ATP11C: variants seen among roughly 807,000 people sequenced by gnomAD.
The protein encoded by ATP11C is ATPase phospholipid transporting 11C (ATP11C blood group), also known as phospholipid-transporting ATPase IG.
Under a neutral mutation model 97.4 loss-of-function variants are expected in ATP11C, and 36 were observed. That is an observed-to-expected ratio of 0.37 (90% confidence interval 0.28 to 0.49). The LOEUF (loss-of-function observed/expected upper bound fraction) is 0.49, where lower values mean the gene tolerates loss of function less well. ATP11C is among the 20% of genes least tolerant of loss of function. The pLI is 0.98. For synonymous variants in ATP11C, 275 were observed against 290.9 expected (o/e 0.95, Z 0.56); for missense variants, 730 against 824.6 (o/e 0.89, Z 1.40).
At chrX:139,799,475 T>A (rs1019625616) in intron 8 of ATP11C, among the ~76,000 whole-genome samples, 5 of 109,797 alleles carry the variant, frequency 4.6e-5, no homozygotes, top group African/African-American at 1.7e-4. Flanking sequence ...CCGAGGATAA[T>A]AAATAACATG....
At chrX:139,789,859 G>GTC (rs1418572887) in intron 12 of ATP11C, among the ~76,000 whole-genome samples, 1 of 109,462 alleles carries the variant, frequency 9.1e-6, no homozygotes, top group Non-Finnish European at 1.9e-5. Context: ...GTGAAACCCC[G>GTC]TCTCTACTAG....
rs1359795948 is a variant in ATP11C at position 139,747,718 on chromosome X, A to G, written c.2829-1861T>C. Reference sequence around the variant, plus strand: ...AGGTAAAATCTATAATACACTACACAACGCCACTGCTAATATTAATTGGCA... The same window carrying G: ...AGGTAAAATCTATAATACACTACACGACGCCACTGCTAATATTAATTGGCA... On this transcript the variant is annotated intron_variant, in intron 24 of 29. Coordinates refer to ENST00000682941, the MANE Select transcript of ATP11C (RefSeq NM_001353812.2). Among the ~76,000 whole-genome samples the G allele has an allele frequency of 2.7e-5, 3 of 112,130 alleles. No homozygotes were observed. The Admixed American group carries it at 2.8e-4, about 11-fold the overall frequency.
At chrX:139,920,202 C>T (rs765581632) in intron 1 of ATP11C, among the ~76,000 whole-genome samples, 1 of 108,924 alleles carries the variant, frequency 9.2e-6, no homozygotes, top group South Asian at 4.0e-4. Flanking sequence ...ACTAAAAATA[C>T]AAAAATTAGT....
At chrX:139,798,642 C>T in intron 9 of ATP11C, 37 bp downstream of exon 9, 1 of 1,055,492 alleles carries the variant, frequency 9.5e-7, no homozygotes, top group South Asian at 2.0e-5. Flanking sequence ...CTTTACAAAG[C>T]ATATTTTTTG....
chrX:139,849,895 G>A (rs1387070673), intron 1 of ATP11C, among the ~76,000 whole-genome samples: 2 of 112,015 alleles, frequency 1.8e-5, no homozygotes, highest in East Asian at 2.8e-4. Context: ...AAGCAAGTTC[G>A]GCCCTCTCTT....
chrX:139,858,582 C>T (rs1030671963), intron 1 of ATP11C, among the ~76,000 whole-genome samples: 1 of 112,175 alleles, frequency 8.9e-6, no homozygotes, highest in African/African-American at 3.2e-5. Context: ...AGAATAATAA[C>T]AACCACTGAC....
intron 1 of ATP11C, among the ~76,000 whole-genome samples, chrX:139,852,831 G>C (rs982216368): frequency 9.0e-6 from 1 of 110,963 alleles, no homozygotes; most frequent in Non-Finnish European, 1.9e-5. Flanking sequence ...GCACGAGTGG[G>C]AAGTGTGCAA....
chrX:139,857,671 T>TAAGA (rs2084115003), intron 1 of ATP11C, among the ~76,000 whole-genome samples: 1 of 111,144 alleles, frequency 9.0e-6, no homozygotes, highest in Non-Finnish European at 1.9e-5. Context: ...TGCGTCAGGG[T>TAAGA]AAGAACCCCT....
chrX:139,737,786 A>T, intron 28 of ATP11C, 130 bp downstream of exon 28: 1 of 699,628 alleles, frequency 1.4e-6, no homozygotes, highest in Non-Finnish European at 2.3e-6. Flanking sequence ...AGAGGAAATT[A>T]AGTGATGAAC....
chrX:139,891,428 T>C (rs2084729021), intron 1 of ATP11C, among the ~76,000 whole-genome samples: 2 of 111,815 alleles, frequency 1.8e-5, no homozygotes, highest in South Asian at 7.4e-4. Flanking sequence ...TGGTGTTAAC[T>C]GGAATGGCAG....
Position 139,798,397 on chromosome X carries a change from C to A in ATP11C, c.776-43G>T, listed in dbSNP as rs191187635. On this transcript the variant is annotated intron_variant, in intron 9 of 29. Coordinates refer to ENST00000682941, the MANE Select transcript of ATP11C (RefSeq NM_001353812.2). The stretch of plus-strand genomic sequence containing the variant: ...ATAATAAAAACTAAGAACTTGTCAA[C>A]CAACTCCTCACCCAGCTGGCTCTAT... 9 of 1,013,774 alleles carry A rather than the reference C, an allele frequency of 8.9e-6. No individual in the cohort carries two copies. The Admixed American group carries it at 2.3e-4, about 26-fold the overall frequency. 83.5% of individuals were successfully genotyped at this position (1,013,774 alleles called of 1,213,427 possible).
intron 28 of ATP11C, chrX:139,737,636 T>C: frequency 4.8e-6 from 1 of 207,416 alleles, no homozygotes; most frequent in Non-Finnish European, 9.3e-6. Flanking sequence ...CAAAATAAAA[T>C]AATTTTTTCC....
chrX:139,730,987 C>T (rs1340444348), intron 29 of ATP11C, among the ~76,000 whole-genome samples: 1 of 111,318 alleles, frequency 9.0e-6, no homozygotes, highest in East Asian at 2.8e-4. Flanking sequence ...AATTATAAAG[C>T]ATTTTATATC....
chrX:139,747,470 T>G (rs1170511319), intron 24 of ATP11C, among the ~76,000 whole-genome samples: 2 of 110,742 alleles, frequency 1.8e-5, no homozygotes, highest in South Asian at 7.7e-4. Context: ...TGGGGAGAGG[T>G]TGATGAGCAG....
In ATP11C at chrX:139,800,264, A is replaced by G. The variant is rs552566209; in HGVS notation, c.660-154T>C. ...AGCCTATTATATTTCTGGGGGAAAA[A>G]AAGTTATGTTGAATTGATAAGGTGT... On this transcript the variant is annotated intron_variant, in intron 7 of 29. Transcript: ENST00000682941. Among the ~76,000 whole-genome samples the G allele has an allele frequency of 4.5e-5, 5 of 111,812 alleles. No homozygotes were observed. In the South Asian group the frequency reaches 1.9e-3, roughly 42 times the overall value.
Position 139,782,595 on chromosome X carries a change from T to C in ATP11C, c.1904A>G (p.Asp635Gly), listed in dbSNP as rs1569452766. The C allele has an allele frequency of 4.1e-6, 5 of 1,206,167 alleles. No homozygotes were observed. ...AATTAAATTCATGTTTGTCTCAATA[T>C]CATCGAAAACTTTTTCCATTTTTTC... ...REEKMEKVFDDIETNMNLIGA... is the reference protein window; with the variant it reads ...REEKMEKVFDGIETNMNLIGA... The change falls in exon 18 of 30, where the codon GAT becomes GGT. Residue 635 changes from aspartate (D) to glycine (G), a missense_variant. Coordinates refer to ENST00000682941, the MANE Select transcript of ATP11C (RefSeq NM_001353812.2).
chrX:139,853,173 A>C (rs2491008), intron 1 of ATP11C, among the ~76,000 whole-genome samples: 7,088 of 111,440 alleles, frequency 0.064, 559 homozygotes, highest in African/African-American at 0.22. Flanking sequence ...TAGAGGAAGA[A>C]AAAGTAGCTC....
At chrX:139,896,398 T>C (rs2084804736) in intron 1 of ATP11C, among the ~76,000 whole-genome samples, 3 of 110,680 alleles carry the variant, frequency 2.7e-5, no homozygotes. Context: ...ACAAGGAAAG[T>C]CTGAGAAACT....
intron 1 of ATP11C, among the ~76,000 whole-genome samples, chrX:139,858,154 T>C (rs1379981790): frequency 8.8e-6 from 1 of 113,123 alleles, no homozygotes; most frequent in Non-Finnish European, 1.9e-5. Context: ...CCCTTCAACC[T>C]TGGGCTTCCC....
Sources: allele counts gnomAD v4.1 joint callset (sites outside exome capture counted in the v4.1 genomes callset), GRCh38; gene constraint gnomAD v4.1.1; transcripts MANE v1.5; gene names NCBI Gene and HGNC (gene_info 2026-07-23, HGNC 2026-07-21).